PRKCE: variants seen among roughly 807,000 people sequenced by gnomAD.
PRKCE encodes protein kinase C epsilon.
A neutral mutation model predicts 85.4 loss-of-function variants in PRKCE; 16 were observed. That is an observed-to-expected ratio of 0.19 (90% CI 0.13 to 0.28). PRKCE has a LOEUF of 0.28. PRKCE is among the 10% of genes least tolerant of loss of function. The probability of loss-of-function intolerance (pLI) is 1.00; values close to 1 mark genes in which losing one functional copy is unlikely to be tolerated. For synonymous variants in PRKCE, 388 were observed against 371.5 expected (o/e 1.04, Z -0.51); for missense variants, 573 against 975.2 (o/e 0.59, Z 5.49).
chr2:45,987,768 A>G (rs1703456588), intron 6 of PRKCE, among the ~76,000 whole-genome samples: 1 of 152,200 alleles, frequency 6.6e-6, no homozygotes, highest in South Asian at 2.1e-4. Context: ...ATAGTATCAT[A>G]CAGATTAGCT....
intron 6 of PRKCE, among the ~76,000 whole-genome samples, chr2:45,989,429 G>A (rs1224293604): frequency 6.6e-6 from 1 of 152,236 alleles, no homozygotes; most frequent in Non-Finnish European, 1.5e-5. Flanking sequence ...ATTTGGAGGA[G>A]CTGTCCTGGT....
At chr2:46,101,614 C>T (rs1291468099) in intron 11 of PRKCE, among the ~76,000 whole-genome samples, 3 of 152,210 alleles carry the variant, frequency 2.0e-5, no homozygotes, top group African/African-American at 7.2e-5. Context: ...TGCACGGTGA[C>T]ATGACCTCAG....
intron 1 of PRKCE, among the ~76,000 whole-genome samples, chr2:45,789,979 C>T (rs1440947166): frequency 6.6e-6 from 1 of 152,114 alleles, no homozygotes; most frequent in Admixed American, 6.5e-5. Flanking sequence ...GATCAAACGC[C>T]TGGGACACCA....
chr2:45,918,772 G>C (rs573447618), intron 2 of PRKCE, among the ~76,000 whole-genome samples: 3 of 152,336 alleles, frequency 2.0e-5, no homozygotes, highest in East Asian at 3.9e-4. Flanking sequence ...GGTTGGCGAG[G>C]GGGGGAATGG....
intron 2 of PRKCE, among the ~76,000 whole-genome samples, chr2:45,894,847 C>T (rs1164780497): frequency 1.3e-5 from 2 of 152,168 alleles, no homozygotes; most frequent in African/African-American, 2.4e-5. Flanking sequence ...CCCAGCCTCC[C>T]GAGTAGTTGG....
At chr2:46,043,277 C>T (rs1054692868) in intron 10 of PRKCE, among the ~76,000 whole-genome samples, 1 of 152,148 alleles carries the variant, frequency 6.6e-6, no homozygotes, top group East Asian at 1.9e-4. Context: ...ACTCTAATTA[C>T]AGCCCCTAAA....
At chr2:45,903,282 T>TG (rs1696706022) in intron 2 of PRKCE, among the ~76,000 whole-genome samples, 1 of 152,228 alleles carries the variant, frequency 6.6e-6, no homozygotes, top group South Asian at 2.1e-4. Flanking sequence ...TATTCCTCCA[T>TG]ACATTAACAG....
chr2:45,845,939 G>T (rs1217279297), intron 2 of PRKCE, among the ~76,000 whole-genome samples: 1 of 152,182 alleles, frequency 6.6e-6, no homozygotes, highest in Non-Finnish European at 1.5e-5. Context: ...CTGAGGGCTG[G>T]CTAATATGTA....
intron 2 of PRKCE, among the ~76,000 whole-genome samples, chr2:45,916,398 C>T (rs114396942): frequency 0.012 from 1,807 of 152,014 alleles, 41 homozygotes; most frequent in African/African-American, 0.042. Flanking sequence ...CACCACCACA[C>T]CTGGCTAATT....
chr2:45,867,106 A>G (rs910498632), intron 2 of PRKCE, among the ~76,000 whole-genome samples: 2 of 152,184 alleles, frequency 1.3e-5, no homozygotes, highest in Non-Finnish European at 2.9e-5. Context: ...GTTGAGCCTC[A>G]CTGGGCTGAA....
At chr2:45,906,173 T>G (rs1012489624) in intron 2 of PRKCE, among the ~76,000 whole-genome samples, 1 of 152,218 alleles carries the variant, frequency 6.6e-6, no homozygotes, top group Non-Finnish European at 1.5e-5. Context: ...TGCTAAGACC[T>G]AGGTGAAGAA....
At chr2:46,160,468 C>A (rs1677644436) in intron 14 of PRKCE, among the ~76,000 whole-genome samples, 1 of 152,208 alleles carries the variant, frequency 6.6e-6, no homozygotes, top group African/African-American at 2.4e-5. Flanking sequence ...TGTTGCAGTC[C>A]TTAAAGTTAC....
intron 1 of PRKCE, among the ~76,000 whole-genome samples, chr2:45,698,694 T>G (rs1297346544): frequency 2.0e-5 from 3 of 152,132 alleles, no homozygotes; most frequent in Non-Finnish European, 4.4e-5. Context: ...CAGATTCTTG[T>G]ATCTGGGCCT....
At chr2:45,843,130 T>TCC (rs3214783) in intron 2 of PRKCE, 67 bp downstream of exon 2, 134 of 1,341,142 alleles carry the variant, frequency 1.0e-4, no homozygotes, top group Middle Eastern at 1.8e-4. Context: ...GTCTCTTCTT[T>TCC]CCCCCCCTTG....
intron 14 of PRKCE, among the ~76,000 whole-genome samples, chr2:46,162,531 C>T (rs1213230005): frequency 6.6e-6 from 1 of 152,008 alleles, no homozygotes; most frequent in Non-Finnish European, 1.5e-5. Context: ...CCTCAATGCT[C>T]AGTGCTGTGG....
At position 45,664,636 on chromosome 2, in the gene PRKCE, T is replaced by C. The variant is rs1675828259; in HGVS notation, c.348+12188T>C. 2.0e-5 allele frequency among the ~76,000 whole-genome samples: 3 copies of C among 152,334 alleles called. No homozygotes were observed. In the South Asian group the frequency reaches 6.2e-4, roughly 32 times the overall value. Reference sequence around the variant, plus strand: ...CACTTGGTTCTTTTTAAACAGCTCCTAGGGTGGGAGGTGAGGGGAACATGG... The same window carrying C: ...CACTTGGTTCTTTTTAAACAGCTCCCAGGGTGGGAGGTGAGGGGAACATGG... On this transcript the variant is annotated intron_variant, in intron 1 of 14. Transcript: ENST00000306156.
intron 2 of PRKCE, among the ~76,000 whole-genome samples, chr2:45,886,221 G>A (rs1032766191): frequency 3.3e-5 from 5 of 152,134 alleles, no homozygotes; most frequent in African/African-American, 7.2e-5. Flanking sequence ...CTCAGCCCAG[G>A]GAGCTCTGGC....
intron 11 of PRKCE, among the ~76,000 whole-genome samples, chr2:46,111,244 T>C (rs964437940): frequency 6.6e-6 from 1 of 152,220 alleles, no homozygotes; most frequent in African/African-American, 2.4e-5. Flanking sequence ...ATATCCTTAT[T>C]GATTTTCTGC....
chr2:46,124,939 C>G (rs770110428), intron 11 of PRKCE, among the ~76,000 whole-genome samples: 1 of 152,140 alleles, frequency 6.6e-6, no homozygotes, highest in Non-Finnish European at 1.5e-5. Flanking sequence ...ACATTTAAAT[C>G]TTAGCTGGAA....
Sources: allele counts gnomAD v4.1 joint callset (sites outside exome capture counted in the v4.1 genomes callset), GRCh38; gene constraint gnomAD v4.1.1; transcripts MANE v1.5; gene names NCBI Gene and HGNC (gene_info 2026-07-23, HGNC 2026-07-21).